CD96: variants seen among roughly 807,000 people sequenced by gnomAD.
The protein encoded by CD96 is T-cell surface protein tactile.
Under a neutral mutation model 71.3 loss-of-function variants are expected in CD96, and 70 were observed. That is an observed-to-expected ratio of 0.98 (90% confidence interval 0.81 to 1.20). CD96 has a LOEUF of 1.20. CD96 is among the 50% of genes most tolerant of loss of function. The pLI is 0.00. For missense variants in CD96, 742 were observed against 677.5 expected, an observed-to-expected ratio of 1.10 and a Z score of -1.06; for synonymous variants, 248 against 233.0, an observed-to-expected ratio of 1.06 and a Z score of -0.59.
At chr3:111,560,134 C>G (rs923691400) in intron 2 of CD96, among the ~76,000 whole-genome samples, 63 of 151,448 alleles carry the variant, frequency 4.2e-4, no homozygotes, top group African/African-American at 1.4e-3. Context: ...CTGAATACAA[C>G]ACACTGATGG....
chr3:111,577,370 A>G lies in CD96; in HGVS notation c.544-1657A>G, dbSNP rs1936265917. Reference sequence around the variant, plus strand: ...CCTGCCTTCTTAATTATTGACCTCCAGACTTGCCAGTGCTGAGTGACATGC... The same window carrying G: ...CCTGCCTTCTTAATTATTGACCTCCGGACTTGCCAGTGCTGAGTGACATGC... On this transcript the variant is annotated intron_variant, in intron 3 of 13. Transcript: ENST00000352690. 3 of 775,516 alleles carry G rather than the reference A, an allele frequency of 3.9e-6. No individual in the cohort carries two copies. The African/African-American group carries it at 5.1e-5, about 13-fold the overall frequency. The allele number at this position is 775,516 out of a possible 1,614,324, so 48.0% of individuals were successfully genotyped here. A position where few individuals can be genotyped will look rare whatever the true frequency, so the allele number is the denominator to read the frequency against.
chr3:111,616,295 A>G (rs925449211), intron 8 of CD96, among the ~76,000 whole-genome samples: 3 of 152,206 alleles, frequency 2.0e-5, no homozygotes, highest in African/African-American at 4.8e-5. Context: ...TTAAATGGAG[A>G]ATTTTTTTAA....
chr3:111,621,079 G>T (rs536387674), intron 8 of CD96, among the ~76,000 whole-genome samples: 3 of 152,322 alleles, frequency 2.0e-5, no homozygotes, highest in African/African-American at 7.2e-5. Flanking sequence ...CCCAGTGTGG[G>T]CAACCAGGCT....
chr3:111,554,430 G>A (rs1408637799), intron 2 of CD96, among the ~76,000 whole-genome samples: 3 of 152,012 alleles, frequency 2.0e-5, no homozygotes, highest in Non-Finnish European at 2.9e-5. Context: ...ATGAAAAAGA[G>A]TTATTTTAAA....
At chr3:111,572,507 A>G (rs981492114) in intron 3 of CD96, among the ~76,000 whole-genome samples, 1 of 152,236 alleles carries the variant, frequency 6.6e-6, no homozygotes, top group Admixed American at 6.5e-5. Flanking sequence ...TTGGTCTTTA[A>G]TCTCTTCTTA....
intron 10 of CD96, among the ~76,000 whole-genome samples, chr3:111,629,172 T>G (rs4682294): frequency 0.94 from 143,437 of 152,282 alleles, 67,713 homozygotes; most frequent in Non-Finnish European, 0.97. Flanking sequence ...AATATTAATT[T>G]TAAATGTAAA....
Position 111,567,743 on chromosome 3 carries a change from A to G in CD96, c.543+96A>G. 3.6e-6 allele frequency: 4 copies of G among 1,123,258 alleles called. No homozygotes were observed. The South Asian group carries it at 5.0e-5, about 14-fold the overall frequency. 69.6% of individuals were successfully genotyped at this position (1,123,258 alleles called of 1,614,324 possible). On this transcript the variant is annotated intron_variant, in intron 3 of 13. Transcript: ENST00000352690. ...GTAATAATAGGGAAGGAAGCATACA[A>G]ATAACAGGCAGGCATTATGCCAGTG...
chr3:111,637,298 A>G, intron 11 of CD96, 37 bp downstream of exon 11: 1 of 1,124,254 alleles, frequency 8.9e-7, no homozygotes. Context: ...CACTGAAGCT[A>G]GTGGTCAGCT....
intron 14 of CD96, among the ~76,000 whole-genome samples, chr3:111,663,971 C>T (rs759722334): frequency 2.6e-5 from 4 of 152,164 alleles, no homozygotes; most frequent in South Asian, 4.1e-4. Context: ...AGGATGCTCT[C>T]GATCTCCTGA....
chr3:111,547,042 A>G (rs927123549), intron 2 of CD96, among the ~76,000 whole-genome samples: 1 of 152,118 alleles, frequency 6.6e-6, no homozygotes, highest in South Asian at 2.1e-4. Flanking sequence ...AGTTTGATTC[A>G]GGTAGCCTGT....
intron 5 of CD96, among the ~76,000 whole-genome samples, chr3:111,589,117 A>AT (rs1220983718): frequency 1.3e-5 from 2 of 151,060 alleles, no homozygotes; most frequent in Admixed American, 1.3e-4. Flanking sequence ...TGCCTGGCTA[A>AT]TTTTTTGTAT....
intron 11 of CD96, 93 bp from the exon 12 acceptor site, chr3:111,637,986 G>A: frequency 1.2e-6 from 1 of 802,228 alleles, no homozygotes; most frequent in South Asian, 1.3e-5. Flanking sequence ...TTTAAATTGA[G>A]TTCTTTCAAA....
At chr3:111,573,029 ACTCT>A (rs944154210) in intron 3 of CD96, among the ~76,000 whole-genome samples, 1 of 152,224 alleles carries the variant, frequency 6.6e-6, no homozygotes, top group African/African-American at 2.4e-5. Context: ...CAAAGGGTTA[ACTCT>A]CTAATGGAAA....
chr3:111,648,045 A>G (rs1186316520), intron 13 of CD96, among the ~76,000 whole-genome samples: 1 of 152,160 alleles, frequency 6.6e-6, no homozygotes, highest in Non-Finnish European at 1.5e-5. Flanking sequence ...ATAGATGCTC[A>G]AGTGTGAAAT....
intron 7 of CD96, among the ~76,000 whole-genome samples, chr3:111,603,168 A>G (rs1398345652): frequency 6.6e-6 from 1 of 152,210 alleles, no homozygotes. Flanking sequence ...TGGACCAGGC[A>G]CAGTGGCTCA....
intron 7 of CD96, among the ~76,000 whole-genome samples, chr3:111,603,656 G>T (rs1937550013): frequency 6.6e-6 from 1 of 152,186 alleles, no homozygotes; most frequent in Admixed American, 6.5e-5. Context: ...CCTTGACAGA[G>T]ATTTGTTTAT....
At chr3:111,605,328 T>C (rs1375583882) in intron 7 of CD96, among the ~76,000 whole-genome samples, 1 of 152,128 alleles carries the variant, frequency 6.6e-6, no homozygotes, top group African/African-American at 2.4e-5. Context: ...GGAAACCACA[T>C]AAATTAAGAT....
chr3:111,560,634 C>A (rs1478315552), intron 2 of CD96, among the ~76,000 whole-genome samples: 2 of 76,996 alleles, frequency 2.6e-5, no homozygotes, highest in African/African-American at 5.5e-5. Flanking sequence ...CTCTGGCTGC[C>A]CTTAACATTT....
At chr3:111,647,242 A>T (rs1305040517) in intron 12 of CD96, among the ~76,000 whole-genome samples, 1 of 152,128 alleles carries the variant, frequency 6.6e-6, no homozygotes, top group Admixed American at 6.6e-5. Context: ...AAAAAAAAGA[A>T]AAAGAAATCA....
Sources: gnomAD v4.1 joint callset for allele counts (sites outside exome capture counted in the v4.1 genomes callset) on GRCh38, gnomAD v4.1.1 for gene constraint, MANE v1.5 for transcripts, NCBI Gene and HGNC (gene_info 2026-07-23, HGNC 2026-07-21) for gene names.